The following COL4A6 variants were observed in gnomAD, a reference collection of about 807,000 sequenced individuals.
COL4A6 encodes the protein collagen type IV alpha 6 chain, also known as collagen alpha-6(IV) chain.
COL4A6 carries 59 observed loss-of-function variants against 126.7 expected under a neutral mutation model. The ratio of observed to expected loss-of-function variants is 0.47; its 90% CI spans 0.38 to 0.58. COL4A6 has a LOEUF of 0.58. Ranked by LOEUF, COL4A6 falls within the 20% of genes least tolerant of loss-of-function variation. The pLI is 0.00. For missense variants in COL4A6, 1,285 were observed against 1,337.3 expected, an observed-to-expected ratio of 0.96 and a Z score of 0.61; for synonymous variants, 547 against 496.6, an observed-to-expected ratio of 1.10 and a Z score of -1.35.
At chrX:108,428,555 GA>G (rs35970967) in intron 2 of COL4A6, among the ~76,000 whole-genome samples, 1 of 110,898 alleles carries the variant, frequency 9.0e-6, no homozygotes, top group Non-Finnish European at 1.9e-5. Flanking sequence ...AAGAGGGTCA[GA>G]AAAAAATAAT....
At chrX:108,414,189 T>C (rs757112894) in intron 2 of COL4A6, among the ~76,000 whole-genome samples, 2 of 112,203 alleles carry the variant, frequency 1.8e-5, no homozygotes, top group Non-Finnish European at 3.8e-5. Context: ...GAAAGAAACA[T>C]AATAGGGCAG....
intron 2 of COL4A6, among the ~76,000 whole-genome samples, chrX:108,433,600 C>T (rs2064211159): frequency 9.1e-6 from 1 of 109,957 alleles, no homozygotes; most frequent in African/African-American, 3.3e-5. Context: ...CTCAGCTCAC[C>T]TGCAACCTCC....
chrX:108,431,834 C>G (rs1031051888), intron 2 of COL4A6, among the ~76,000 whole-genome samples: 2 of 111,832 alleles, frequency 1.8e-5, no homozygotes, highest in African/African-American at 3.3e-5. Flanking sequence ...AAATTGGTCT[C>G]TCTCTGAGAG....
chrX:108,207,406 T>C (rs1274284945), intron 8 of COL4A6, among the ~76,000 whole-genome samples: 1 of 111,073 alleles, frequency 9.0e-6, no homozygotes, highest in Non-Finnish European at 1.9e-5. Flanking sequence ...GACAGGTTGA[T>C]AGGTGCAGCA....
Position 108,281,801 on chromosome X carries a change from T to G in COL4A6, c.144+28947A>C, listed in dbSNP as rs1352829586. On this transcript the variant is annotated intron_variant, in intron 3 of 44. Coordinates refer to ENST00000334504, the MANE Select transcript of COL4A6 (RefSeq NM_033641.4). ...TGGCACTGGTACCAAAACAGAGATA[T>G]AGATCAATGGAACACAACAGAGCCC... Among the ~76,000 whole-genome samples, 4 of 110,267 alleles carry G rather than the reference T, an allele frequency of 3.6e-5. No individual in the cohort carries two copies. The Admixed American group carries it at 3.9e-4, about 11-fold the overall frequency.
chrX:108,345,639 T>C (rs1317966379), intron 2 of COL4A6, among the ~76,000 whole-genome samples: 1 of 111,590 alleles, frequency 9.0e-6, no homozygotes, highest in African/African-American at 3.3e-5. Flanking sequence ...GATGGTGACA[T>C]TTGATAAATA....
intron 3 of COL4A6, among the ~76,000 whole-genome samples, chrX:108,233,833 C>G: frequency 8.9e-6 from 1 of 112,191 alleles, no homozygotes; most frequent in South Asian, 3.7e-4. Flanking sequence ...TCCCTTGACC[C>G]TCACATCAAT....
chrX:108,423,580 C>G (rs2064020604), intron 2 of COL4A6, among the ~76,000 whole-genome samples: 1 of 111,582 alleles, frequency 9.0e-6, no homozygotes, highest in Admixed American at 9.5e-5. Flanking sequence ...ACCTCACTTA[C>G]AGTAACATCT....
At chrX:108,384,343 C>T (rs2040636569) in intron 2 of COL4A6, among the ~76,000 whole-genome samples, 1 of 112,317 alleles carries the variant, frequency 8.9e-6, no homozygotes, top group Non-Finnish European at 1.9e-5. Context: ...AAAAACCAAA[C>T]ATCATTTTCC....
At chrX:108,190,559 A>C in intron 19 of COL4A6, 63 bp from the exon 20 acceptor site, 1 of 684,144 alleles carries the variant, frequency 1.5e-6, no homozygotes, top group Non-Finnish European at 2.3e-6. Context: ...TCCCTGACTC[A>C]ACACAGCAGC....
At chrX:108,335,047 C>T (rs2039397695) in intron 2 of COL4A6, among the ~76,000 whole-genome samples, 1 of 112,098 alleles carries the variant, frequency 8.9e-6, no homozygotes, top group Non-Finnish European at 1.9e-5. Context: ...TTTGAGATTA[C>T]AGAGTCTTGA....
At chrX:108,362,763 C>G (rs150878595) in intron 2 of COL4A6, among the ~76,000 whole-genome samples, 51 of 111,754 alleles carry the variant, frequency 4.6e-4, no homozygotes, top group African/African-American at 1.6e-3. Context: ...CGGTAAATCC[C>G]TTTTCCCCAT....
intron 2 of COL4A6, among the ~76,000 whole-genome samples, chrX:108,333,200 T>G (rs1212318801): frequency 9.0e-6 from 1 of 111,568 alleles, no homozygotes; most frequent in Non-Finnish European, 1.9e-5. Context: ...TCTATTTTTA[T>G]ACTAGAACTA....
At chrX:108,361,722 A>G (rs1362836401) in intron 2 of COL4A6, among the ~76,000 whole-genome samples, 3 of 112,018 alleles carry the variant, frequency 2.7e-5, no homozygotes, top group Non-Finnish European at 5.6e-5. Context: ...AGTCATCTTA[A>G]GTCTCATGTA....
chrX:108,398,636 A>G (rs2041018767), intron 2 of COL4A6, among the ~76,000 whole-genome samples: 1 of 111,280 alleles, frequency 9.0e-6, no homozygotes, highest in Non-Finnish European at 1.9e-5. Flanking sequence ...CAATGAAAAA[A>G]TTCAAAACTA....
intron 3 of COL4A6, among the ~76,000 whole-genome samples, chrX:108,272,631 T>C (rs2037484142): frequency 1.8e-5 from 2 of 110,788 alleles, no homozygotes; most frequent in African/African-American, 6.5e-5. Context: ...AAAAGCGAGA[T>C]AAGCAGTAGG....
At chrX:108,329,366 A>C (rs1201192867) in intron 2 of COL4A6, among the ~76,000 whole-genome samples, 2 of 111,870 alleles carry the variant, frequency 1.8e-5, no homozygotes, top group African/African-American at 6.5e-5. Flanking sequence ...ATTTAAAAAC[A>C]AAATAAAACT....
At chrX:108,362,911 G>T (rs1037658525) in intron 2 of COL4A6, among the ~76,000 whole-genome samples, 2 of 111,802 alleles carry the variant, frequency 1.8e-5, no homozygotes, top group African/African-American at 6.5e-5. Context: ...CTTTACATAT[G>T]TGCTAAACCT....
rs182608732 is a variant in COL4A6 at position 108,229,232 on chromosome X, C to T, written c.145-7858G>A. 3.6e-5 allele frequency among the ~76,000 whole-genome samples: 4 copies of T among 112,066 alleles called. No individual in the cohort carries two copies. The Admixed American group carries it at 3.8e-4, about 11-fold the overall frequency. On this transcript the variant is annotated intron_variant, in intron 3 of 44. Coordinates refer to ENST00000334504, the MANE Select transcript of COL4A6 (RefSeq NM_033641.4). Reference sequence around the variant, plus strand: ...GAATTTAGTGAAGTGAGATGATATGCTAGCTAAGTGTACAGGGTTCAGAGT... The same window carrying T: ...GAATTTAGTGAAGTGAGATGATATGTTAGCTAAGTGTACAGGGTTCAGAGT...
Sources: gnomAD v4.1 joint callset for allele counts (sites outside exome capture counted in the v4.1 genomes callset) on GRCh38, gnomAD v4.1.1 for gene constraint, MANE v1.5 for transcripts, NCBI Gene and HGNC (gene_info 2026-07-23, HGNC 2026-07-21) for gene names.